TMEM217: variants seen among roughly 807,000 people sequenced by gnomAD.
TMEM217 encodes transmembrane protein 217.
For missense variants in TMEM217, 204 were observed against 248.8 expected, an observed-to-expected ratio of 0.82 and a Z score of 1.21; for synonymous variants, 76 against 88.3, an observed-to-expected ratio of 0.86 and a Z score of 0.78.
intron 1 of TMEM217, among the ~76,000 whole-genome samples, chr6:37,226,858 A>C (rs1487561622): frequency 1.3e-5 from 2 of 152,072 alleles, no homozygotes; most frequent in East Asian, 3.9e-4. Context: ...GAGCCACGGC[A>C]CCCAGCCCAA....
chr6:37,235,017 G>A (rs1764414890), intron 1 of TMEM217, among the ~76,000 whole-genome samples: 2 of 152,134 alleles, frequency 1.3e-5, no homozygotes. Flanking sequence ...CTACCCTTAT[G>A]CTGGTGTGGC....
At chr6:37,257,034 CCTTAA>C (rs1765788076) in intron 1 of TMEM217, among the ~76,000 whole-genome samples, 1 of 152,152 alleles carries the variant, frequency 6.6e-6, no homozygotes, top group Non-Finnish European at 1.5e-5. Flanking sequence ...GGAGATACAT[CCTTAA>C]CTTTGTGATT....
chr6:37,219,022 C>G (rs754316344), exon 2 of TMEM217: 6 of 1,612,422 alleles, frequency 3.7e-6, no homozygotes, highest in Non-Finnish European at 5.1e-6. Flanking sequence ...ACCACTGCTG[C>G]TGTTTCATGC....
chr6:37,256,731 C>T (rs189711798), intron 1 of TMEM217, among the ~76,000 whole-genome samples: 6 of 97,792 alleles, frequency 6.1e-5, no homozygotes, highest in African/African-American at 2.6e-4. Flanking sequence ...CATGTGGTAG[C>T]TGTAAATGGA....
Position 37,242,084 on chromosome 6 carries a change from A to C in TMEM217, c.-12+15484T>G, listed in dbSNP as rs568343010. Among the ~76,000 whole-genome samples the C allele has an allele frequency of 1.2e-4, 18 of 151,128 alleles. No individual in the cohort carries two copies. In the South Asian group the frequency reaches 3.3e-3, roughly 28 times the overall value. On this transcript the variant is annotated intron_variant, in intron 1 of 1. Coordinates refer to ENST00000357219, the Ensembl canonical transcript of TMEM217. The stretch of plus-strand genomic sequence containing the variant: ...ACATAGAACCCCCTGAGTTCACCCA[A>C]TCTTGGAATCTGAGGGAAGAGTTCT...
chr6:37,230,153 G>T (rs959330554), intron 1 of TMEM217, among the ~76,000 whole-genome samples: 87 of 152,292 alleles, frequency 5.7e-4, no homozygotes, highest in African/African-American at 1.9e-3. Context: ...TCCTTCTCAC[G>T]CTTGGAATTT....
At chr6:37,232,112 GA>G (rs1331171330) in intron 1 of TMEM217, among the ~76,000 whole-genome samples, 3 of 152,120 alleles carry the variant, frequency 2.0e-5, no homozygotes, top group African/African-American at 7.2e-5. Context: ...GGGGGGGAGA[GA>G]GGGGTGAAAT....
chr6:37,221,026 T>G (rs1040415074), intron 1 of TMEM217, among the ~76,000 whole-genome samples: 4 of 152,186 alleles, frequency 2.6e-5, no homozygotes, highest in Non-Finnish European at 5.9e-5. Context: ...ATATTCATTT[T>G]GTTGTACAAA....
At chr6:37,223,191 A>T (rs961731609) in intron 1 of TMEM217, among the ~76,000 whole-genome samples, 1 of 152,218 alleles carries the variant, frequency 6.6e-6, no homozygotes, top group Non-Finnish European at 1.5e-5. Context: ...AAATGGGGGT[A>T]GCATATTTAC....
exon 4 of TMEM217, chr6:37,212,571 G>A (rs1000491053): frequency 1.1e-5 from 5 of 466,446 alleles, no homozygotes; most frequent in Non-Finnish European, 2.1e-5. Context: ...GACAGAAAAA[G>A]TGCAGGAGCA....
intron 1 of TMEM217, among the ~76,000 whole-genome samples, chr6:37,249,471 C>T (rs1016186066): frequency 6.6e-6 from 1 of 152,222 alleles, no homozygotes; most frequent in Non-Finnish European, 1.5e-5. Context: ...AGACACGTGC[C>T]ACCATGCCCA....
chr6:37,240,426 T>C (rs1764708808), intron 1 of TMEM217, among the ~76,000 whole-genome samples: 1 of 152,238 alleles, frequency 6.6e-6, no homozygotes, highest in Admixed American at 6.5e-5. Flanking sequence ...CCTCACCTCC[T>C]GGGCCTTTCT....
chr6:37,217,242 C>A (rs902184329), downstream of TMEM217, among the ~76,000 whole-genome samples: 2 of 152,138 alleles, frequency 1.3e-5, no homozygotes, highest in Non-Finnish European at 2.9e-5. Flanking sequence ...TGCAGTGAGC[C>A]GAGGTCGCAC....
chr6:37,227,440 T>G (rs1018752137), intron 1 of TMEM217, among the ~76,000 whole-genome samples: 2 of 151,940 alleles, frequency 1.3e-5, no homozygotes, highest in Non-Finnish European at 2.9e-5. Context: ...TAAGCGAAGG[T>G]TTTTTTTGTT....
chr6:37,250,251 T>C (rs960322888), intron 1 of TMEM217, among the ~76,000 whole-genome samples: 1 of 152,120 alleles, frequency 6.6e-6, no homozygotes, highest in Non-Finnish European at 1.5e-5. Flanking sequence ...AGTGGTTACA[T>C]CTGAAAGAGA....
chr6:37,221,759 G>A (rs1318415372), intron 1 of TMEM217, among the ~76,000 whole-genome samples: 1 of 152,148 alleles, frequency 6.6e-6, no homozygotes, highest in Non-Finnish European at 1.5e-5. Flanking sequence ...GATGAATGAG[G>A]TACACAGACA....
chr6:37,241,125 G>A (rs1226800393), intron 1 of TMEM217, among the ~76,000 whole-genome samples: 1 of 147,824 alleles, frequency 6.8e-6, no homozygotes, highest in Non-Finnish European at 1.5e-5. Context: ...TTGAGACAGG[G>A]TCTTGCTCTG....
downstream of TMEM217, among the ~76,000 whole-genome samples, chr6:37,216,566 C>T (rs1468731838): frequency 6.6e-6 from 1 of 152,044 alleles, no homozygotes; most frequent in African/African-American, 2.4e-5. Flanking sequence ...GGGATGAGCA[C>T]CTGGATGGAG....
downstream of TMEM217, chr6:37,212,647 T>C (rs1762974855): frequency 3.6e-6 from 2 of 549,270 alleles, no homozygotes; most frequent in Admixed American, 4.4e-5. Context: ...GATGATCCCG[T>C]TGAGGAGCAG....
Sources: gnomAD v4.1 joint callset for allele counts (sites outside exome capture counted in the v4.1 genomes callset) on GRCh38, gnomAD v4.1.1 for gene constraint, MANE v1.5 for transcripts, NCBI Gene and HGNC (gene_info 2026-07-23, HGNC 2026-07-21) for gene names.